VPS35L: variants seen among roughly 807,000 people sequenced by gnomAD.
The protein encoded by VPS35L is VPS35 endosomal protein sorting factor like.
Under a neutral mutation model 133.0 loss-of-function variants are expected in VPS35L, and 83 were observed. That is an observed-to-expected ratio of 0.62 (90% CI 0.52 to 0.75). VPS35L has a LOEUF of 0.75. Among genes scored for constraint, VPS35L ranks in the 30% least tolerant of loss-of-function variants. The pLI is 0.00. For missense variants in VPS35L, 1,083 were observed against 1,206.8 expected (o/e 0.90, Z 1.52); for synonymous variants, 423 against 449.9 (o/e 0.94, Z 0.76).
intron 2 of VPS35L, among the ~76,000 whole-genome samples, chr16:19,567,500 G>T (rs989776378): frequency 2.6e-5 from 4 of 152,144 alleles, no homozygotes; most frequent in Non-Finnish European, 4.4e-5. Flanking sequence ...AAAAATTGGG[G>T]TATTAAGTAT....
chr16:19,613,541 C>CT (rs1972792928), intron 12 of VPS35L, among the ~76,000 whole-genome samples: 1 of 152,274 alleles, frequency 6.6e-6, no homozygotes, highest in African/African-American at 2.4e-5. Flanking sequence ...CTGTGGCTTG[C>CT]TTTTTTTATA....
At chr16:19,626,066 A>G (rs1395627434) in intron 14 of VPS35L, 111 bp from the exon 15 acceptor site, 3 of 677,718 alleles carry the variant, frequency 4.4e-6, no homozygotes, top group Non-Finnish European at 7.4e-6. Context: ...AATTATCTTA[A>G]TGGACATGTG....
intron 7 of VPS35L, among the ~76,000 whole-genome samples, chr16:19,589,306 C>T (rs1286595194): frequency 3.3e-5 from 5 of 152,098 alleles, no homozygotes; most frequent in Non-Finnish European, 5.9e-5. Context: ...TGCAGTGGGG[C>T]GGTCTCGGCT....
At chr16:19,674,184 C>CTTTCTTTTTT (rs764022611) in intron 27 of VPS35L, among the ~76,000 whole-genome samples, 5 of 70,908 alleles carry the variant, frequency 7.1e-5, no homozygotes, top group African/African-American at 3.1e-4. Flanking sequence ...TTTTCTTTTT[C>CTTTCTTTTTT]TTTTTTTTTT....
intron 28 of VPS35L, 72 bp from the exon 29 acceptor site, chr16:19,691,281 C>A: frequency 8.1e-7 from 1 of 1,235,842 alleles, no homozygotes; most frequent in South Asian, 1.2e-5. Flanking sequence ...TGACATGACA[C>A]ACGGCTGCCT....
intron 29 of VPS35L, among the ~76,000 whole-genome samples, chr16:19,692,896 G>T (rs867822018): frequency 2.0e-5 from 3 of 152,236 alleles, no homozygotes; most frequent in African/African-American, 4.8e-5. Flanking sequence ...GTGTTCAAGC[G>T]TGTGTTTGAG....
intron 19 of VPS35L, 62 bp from the exon 20 acceptor site, chr16:19,637,532 C>A: frequency 7.9e-7 from 1 of 1,266,382 alleles, no homozygotes; most frequent in Non-Finnish European, 1.1e-6. Flanking sequence ...GAATGTAAAC[C>A]AGAAAGAAAT....
intron 12 of VPS35L, among the ~76,000 whole-genome samples, chr16:19,611,088 C>T (rs1486137945): frequency 2.0e-5 from 3 of 152,122 alleles, no homozygotes; most frequent in Non-Finnish European, 4.4e-5. Context: ...CAACCTCCAC[C>T]GCCTGGGTTC....
rs747119819 is a variant in VPS35L, at chr16:19,682,351, G to A, written c.2488G>A (p.Ala830Thr). The change falls in exon 28 of 31, where the codon GCC (alanine) becomes ACC (threonine). Residue 830 changes from alanine to threonine, a missense_variant. Coordinates refer to ENST00000417362, the MANE Select transcript of VPS35L (RefSeq NM_020314.7). ...CACCTGCGTCCTGCATCTCCTCTCC[G>A]CCATGAGCCAGGAGACGTACCTTTA... The part of the protein sequence containing the change: ...IYTCVLHLLS[A>T]MSQETYLYHI... 2 of 1,614,186 alleles carry A rather than the reference G, an allele frequency of 1.2e-6. No individual in the cohort carries two copies. Among genetic ancestry groups the A allele is most frequent in the East Asian group, 2.2e-5 (1 of 44,876 alleles).
intron 8 of VPS35L, among the ~76,000 whole-genome samples, chr16:19,599,977 G>T (rs1009316602): frequency 1.3e-5 from 2 of 152,172 alleles, no homozygotes; most frequent in African/African-American, 2.4e-5. Context: ...GGAGGTGGAG[G>T]CCGTAGTGAG....
intron 14 of VPS35L, among the ~76,000 whole-genome samples, chr16:19,619,952 A>G (rs1013609117): frequency 6.6e-6 from 1 of 152,170 alleles, no homozygotes; most frequent in African/African-American, 2.4e-5. Flanking sequence ...CAAGACTTCA[A>G]AATAGGGGAT....
Position 19,699,432 on chromosome 16 carries a change from G to A in VPS35L, c.2647-70G>A. The A allele has an allele frequency of 6.3e-7, 1 of 1,585,202 alleles. No individual in the cohort carries two copies. Among genetic ancestry groups the A allele is most frequent in the South Asian group, 1.1e-5 (1 of 87,714 alleles). On this transcript the variant is annotated intron_variant, in intron 29 of 30. Transcript: ENST00000417362. This position sits in a 1 kb window ranked among gnomAD's most constrained non-coding sequence, Gnocchi z 4.2. ...CATGACCTACCCCAGAGTCAGCACT[G>A]TCCACAGCATCTCTGCGGGGCACGG...
At chr16:19,634,610 G>A (rs907006932) in intron 19 of VPS35L, among the ~76,000 whole-genome samples, 1 of 152,008 alleles carries the variant, frequency 6.6e-6, no homozygotes, top group Non-Finnish European at 1.5e-5. Flanking sequence ...ATAGATGAGC[G>A]GATTGAGAAA....
intron 29 of VPS35L, among the ~76,000 whole-genome samples, chr16:19,693,591 G>C (rs1357510334): frequency 6.6e-6 from 1 of 152,216 alleles, no homozygotes; most frequent in Non-Finnish European, 1.5e-5. Context: ...GACCAGCCTG[G>C]CCAACATGGC....
chr16:19,693,806 G>C (rs938518401), intron 29 of VPS35L, among the ~76,000 whole-genome samples: 10 of 151,298 alleles, frequency 6.6e-5, no homozygotes, highest in African/African-American at 2.4e-4. Flanking sequence ...TAAATTACCC[G>C]GGCGTGGTGG....
chr16:19,666,927 T>TCTTTCTTCCTTCCTTTCTTC (rs1974699850), intron 26 of VPS35L, among the ~76,000 whole-genome samples: 1 of 62,940 alleles, frequency 1.6e-5, no homozygotes, highest in East Asian at 4.3e-4. Context: ...TTTCTTTCTT[T>TCTTTCTTCCTTCCTTTCTTC]CTTTCTTCCT....
chr16:19,575,537 GC>G (rs1971503437), intron 5 of VPS35L, among the ~76,000 whole-genome samples: 1 of 147,744 alleles, frequency 6.8e-6, no homozygotes, highest in African/African-American at 2.5e-5. Flanking sequence ...TTGCACTGCA[GC>G]CTGGGTGACA....
At chr16:19,587,720 A>G (rs575764727) in intron 7 of VPS35L, among the ~76,000 whole-genome samples, 10 of 152,044 alleles carry the variant, frequency 6.6e-5, no homozygotes, top group Non-Finnish European at 1.3e-4. Context: ...TCGACCATAA[A>G]TGTAAGAGTT....
At chr16:19,608,442 C>T (rs1972605596) in intron 10 of VPS35L, 168 bp downstream of exon 10, 2 of 585,284 alleles carry the variant, frequency 3.4e-6, no homozygotes, top group Admixed American at 3.1e-5. Context: ...TTGTAGAAAC[C>T]CTTGGACTCT....
Sources: allele counts gnomAD v4.1 joint callset (sites outside exome capture counted in the v4.1 genomes callset), GRCh38; gene constraint gnomAD v4.1.1; non-coding constraint Gnocchi (gnomAD v3.1); transcripts MANE v1.5; gene names NCBI Gene and HGNC (gene_info 2026-07-23, HGNC 2026-07-21).